The following RBFOX1 variants were observed in gnomAD, a reference collection of about 807,000 sequenced individuals.
RBFOX1 encodes the protein RNA binding protein fox-1 homolog 1.
A neutral mutation model predicts 57.7 loss-of-function variants in RBFOX1; 8 were observed. The ratio of observed to expected loss-of-function variants is 0.14; its 90% confidence interval spans 0.08 to 0.25. RBFOX1 has a LOEUF of 0.25. Ranked by LOEUF, RBFOX1 falls within the 10% of genes least tolerant of loss-of-function variation. RBFOX1 has a pLI of 1.00. For synonymous variants in RBFOX1, 326 were observed against 222.4 expected, an observed-to-expected ratio of 1.47 and a Z score of -4.15; for missense variants, 611 against 548.5, an observed-to-expected ratio of 1.11 and a Z score of -1.14.
chr16:6,077,669 C>T (rs562573310), intron 1 of RBFOX1, among the ~76,000 whole-genome samples: 6 of 115,348 alleles, frequency 5.2e-5, no homozygotes, highest in African/African-American at 1.6e-4. Flanking sequence ...TTGCGTCAAC[C>T]TTGCCTTCTT....
intron 3 of RBFOX1, among the ~76,000 whole-genome samples, chr16:5,703,539 G>A (rs1203458100): frequency 6.6e-6 from 1 of 152,170 alleles, no homozygotes; most frequent in Non-Finnish European, 1.5e-5. Context: ...AATTCTTTGA[G>A]CCATGGAAGC....
Position 7,470,572 on chromosome 16 carries a change from A to G in RBFOX1, c.28-47575A>G, listed in dbSNP as rs956626988. On this transcript the variant is annotated intron_variant, in intron 4 of 15. Transcript: ENST00000550418. ...GGGTGAGTGGTAGGCAGATGAGGTG[A>G]TGGATGGATGGATGGATGGGCGGAT... Among the ~76,000 whole-genome samples the G allele has an allele frequency of 3.0e-4, 46 of 151,600 alleles. No individual in the cohort carries two copies. In the Middle Eastern group the frequency reaches 0.014, roughly 45 times the overall value.
intron 2 of RBFOX1, among the ~76,000 whole-genome samples, chr16:6,432,464 G>T (rs1466526254): frequency 6.6e-6 from 1 of 150,992 alleles, no homozygotes. Context: ...CTGAGGTCAG[G>T]AGTTCAAGAC....
At chr16:6,431,015 G>A (rs2094066195) in intron 2 of RBFOX1, among the ~76,000 whole-genome samples, 1 of 151,390 alleles carries the variant, frequency 6.6e-6, no homozygotes, top group African/African-American at 2.4e-5. Flanking sequence ...CTGTGCACCT[G>A]TAGTCCCAGC....
intron 3 of RBFOX1, among the ~76,000 whole-genome samples, chr16:6,792,882 T>G (rs1352553120): frequency 2.0e-5 from 3 of 151,780 alleles, no homozygotes; most frequent in Non-Finnish European, 2.9e-5. Context: ...TACAAAAAAT[T>G]AGCTGGGTGT....
At chr16:5,487,351 G>C (rs1034098832) in intron 2 of RBFOX1, among the ~76,000 whole-genome samples, 4 of 152,178 alleles carry the variant, frequency 2.6e-5, no homozygotes, top group Non-Finnish European at 5.9e-5. Flanking sequence ...TCAATGAATG[G>C]GGGAATGATG....
chr16:7,092,147 T>G (rs565982081), intron 4 of RBFOX1, among the ~76,000 whole-genome samples: 1 of 152,334 alleles, frequency 6.6e-6, no homozygotes, highest in African/African-American at 2.4e-5. Context: ...ACACACACCC[T>G]TCTTTTCTCA....
chr16:6,906,942 T>A (rs2070153885), intron 3 of RBFOX1, among the ~76,000 whole-genome samples: 1 of 152,154 alleles, frequency 6.6e-6, no homozygotes, highest in Non-Finnish European at 1.5e-5. Flanking sequence ...CAGGCTGGTC[T>A]TGAACTCCTG....
Position 5,398,294 on chromosome 16 carries a change from CTTATGTGTGTGT to C in RBFOX1, c.220-68921_220-68910del, listed in dbSNP as rs575863499. Among the ~76,000 whole-genome samples the C allele has an allele frequency of 7.7e-3, 1,167 of 151,466 alleles. 4 individuals are homozygous for C. Among genetic ancestry groups the C allele is most frequent in the South Asian group, 0.012 (58 of 4,776 alleles). On this transcript the variant is annotated intron_variant, in intron 1 of 2. Coordinates refer to the RBFOX1 transcript ENST00000585867. ...ACGTGCTGGTGTGTGTGCATGTGTG[CTTATGTGTGTGT>C]GCATGTGTGCTCGTGTGCATATGTG...
intron 1 of RBFOX1, among the ~76,000 whole-genome samples, chr16:6,276,869 G>C (rs888011324): frequency 6.6e-6 from 1 of 151,392 alleles, no homozygotes; most frequent in Non-Finnish European, 1.5e-5. Context: ...TCTCCATGAA[G>C]ACAAGGACCA....
Position 5,552,518 on chromosome 16 carries a change from C to T in RBFOX1, c.259-46384C>T, listed in dbSNP as rs140909339. Among the ~76,000 whole-genome samples the T allele has an allele frequency of 2.6e-5, 4 of 152,286 alleles. No homozygotes were observed. In the East Asian group the frequency reaches 7.7e-4, roughly 29 times the overall value. ...TTAGTAACTTACTTAAAACCACACACCTAGTCAGGGGCAGAGAAGTGGTTA... is the reference window on the plus strand; with the variant it reads ...TTAGTAACTTACTTAAAACCACACATCTAGTCAGGGGCAGAGAAGTGGTTA... On this transcript the variant is annotated intron_variant, in intron 2 of 2. Coordinates refer to the RBFOX1 transcript ENST00000585867.
chr16:7,396,296 C>G (rs749638611), intron 4 of RBFOX1, among the ~76,000 whole-genome samples: 1 of 152,174 alleles, frequency 6.6e-6, no homozygotes, highest in Non-Finnish European at 1.5e-5. Flanking sequence ...ATGACACTCA[C>G]AAACTGTGGC....
intron 2 of RBFOX1, among the ~76,000 whole-genome samples, chr16:6,625,077 A>T (rs1052465653): frequency 1.4e-5 from 2 of 146,378 alleles, no homozygotes; most frequent in African/African-American, 5.0e-5. Flanking sequence ...AGGCTAGAGA[A>T]TCTCTTTAAC....
At chr16:7,695,231 TGAAGC>T (rs1309517426) in intron 14 of RBFOX1, among the ~76,000 whole-genome samples, 3 of 152,162 alleles carry the variant, frequency 2.0e-5, no homozygotes, top group Non-Finnish European at 4.4e-5. Context: ...GAATTTTGAA[TGAAGC>T]ATGAAAAAGG....
At chr16:5,888,068 A>C (rs1469031213) in intron 4 of RBFOX1, among the ~76,000 whole-genome samples, 1 of 152,164 alleles carries the variant, frequency 6.6e-6, no homozygotes, top group Non-Finnish European at 1.5e-5. Flanking sequence ...GCCCTCCTGC[A>C]AGATTGTGTT....
At chr16:7,227,434 C>G (rs890403865) in intron 4 of RBFOX1, among the ~76,000 whole-genome samples, 1 of 152,124 alleles carries the variant, frequency 6.6e-6, no homozygotes, top group Non-Finnish European at 1.5e-5. Context: ...GCTCTGTCCC[C>G]AACCGTATTA....
At chr16:5,896,060 C>T (rs1484546138) in intron 4 of RBFOX1, among the ~76,000 whole-genome samples, 2 of 151,972 alleles carry the variant, frequency 1.3e-5, no homozygotes, top group Non-Finnish European at 2.9e-5. Context: ...GGGGATTTTC[C>T]TTAGGAGATT....
chr16:6,012,878 G>A (rs4786073), intron 4 of RBFOX1, among the ~76,000 whole-genome samples: 2 of 152,142 alleles, frequency 1.3e-5, no homozygotes, highest in Admixed American at 6.5e-5. Flanking sequence ...GCTTTCACTT[G>A]GATAAAGGAA....
intron 3 of RBFOX1, among the ~76,000 whole-genome samples, chr16:5,679,871 G>T (rs922693338): frequency 1.3e-5 from 2 of 152,132 alleles, no homozygotes; most frequent in Admixed American, 1.3e-4. Context: ...TTAAAGTACA[G>T]TTCATAGTGA....
Sources: gnomAD v4.1 joint callset for allele counts (sites outside exome capture counted in the v4.1 genomes callset) on GRCh38, gnomAD v4.1.1 for gene constraint, MANE v1.5 for transcripts, NCBI Gene and HGNC (gene_info 2026-07-23, HGNC 2026-07-21) for gene names.